CNTN5: variants seen among roughly 807,000 people sequenced by gnomAD.
CNTN5 encodes contactin-5.
CNTN5 carries 77 observed loss-of-function variants against 129.1 expected under a neutral mutation model. The observed-to-expected ratio is 0.60, with a 90% CI of 0.50 to 0.72. The LOEUF (loss-of-function observed/expected upper bound fraction) is 0.72, where lower values mean the gene tolerates loss of function less well. Among genes scored for constraint, CNTN5 ranks in the 30% least tolerant of loss-of-function variants. The pLI is 0.00. For synonymous variants in CNTN5, 509 were observed against 465.6 expected (o/e 1.09, Z -1.20); for missense variants, 1,478 against 1,328.8 (o/e 1.11, Z -1.75).
intron 3 of CNTN5, among the ~76,000 whole-genome samples, chr11:99,665,478 ATTTTTTTT>A (rs34435537): frequency 1.4e-4 from 9 of 65,922 alleles, no homozygotes; most frequent in South Asian, 6.8e-4. Context: ...TGAAACTACA[ATTTTTTTT>A]TTTTTTTTTT....
At chr11:100,103,845 T>TGATAAG (rs1392552933) in intron 13 of CNTN5, among the ~76,000 whole-genome samples, 16 of 152,150 alleles carry the variant, frequency 1.1e-4, no homozygotes, top group Non-Finnish European at 2.2e-4. Flanking sequence ...TATCAGCAAC[T>TGATAAG]TCCATAGGCT....
At chr11:100,019,662 A>T (rs1941023436) in intron 9 of CNTN5, among the ~76,000 whole-genome samples, 1 of 152,004 alleles carries the variant, frequency 6.6e-6, no homozygotes, top group Non-Finnish European at 1.5e-5. Flanking sequence ...AGGAATGCAG[A>T]TATCTTTAAA....
At chr11:100,273,859 A>G (rs1314861405) in intron 18 of CNTN5, among the ~76,000 whole-genome samples, 2 of 152,222 alleles carry the variant, frequency 1.3e-5, no homozygotes, top group Admixed American at 6.5e-5. Flanking sequence ...TCTTCACTGA[A>G]CTACTAAAAC....
intron 18 of CNTN5, among the ~76,000 whole-genome samples, chr11:100,289,603 C>T (rs7130338): frequency 0.011 from 1,726 of 152,110 alleles, 32 homozygotes; most frequent in African/African-American, 0.039. Context: ...GTTGATGGGA[C>T]GTATCTCAAA....
At chr11:99,084,145 TC>T (rs1865909809) in intron 1 of CNTN5, among the ~76,000 whole-genome samples, 1 of 152,190 alleles carries the variant, frequency 6.6e-6, no homozygotes, top group South Asian at 2.1e-4. Flanking sequence ...AAACTACTGT[TC>T]CCCATATATG....
chr11:100,311,786 G>A (rs920241908), intron 21 of CNTN5, among the ~76,000 whole-genome samples: 13 of 151,982 alleles, frequency 8.6e-5, no homozygotes, highest in Non-Finnish European at 1.9e-4. Flanking sequence ...AAGTAACCTT[G>A]ATGAGAGAGA....
intron 6 of CNTN5, among the ~76,000 whole-genome samples, chr11:99,890,233 C>T (rs1330583588): frequency 6.6e-6 from 1 of 151,962 alleles, no homozygotes; most frequent in Non-Finnish European, 1.5e-5. Context: ...CAACAGGAGC[C>T]AATTGAAAGA....
intron 8 of CNTN5, among the ~76,000 whole-genome samples, chr11:99,999,141 C>A (rs1007819732): frequency 2.4e-4 from 37 of 151,926 alleles, no homozygotes; most frequent in African/African-American, 7.2e-4. Flanking sequence ...GCAACAAAAG[C>A]CAAAATTGAC....
intron 2 of CNTN5, among the ~76,000 whole-genome samples, chr11:99,496,307 T>A (rs1446837307): frequency 2.0e-5 from 3 of 152,138 alleles, no homozygotes; most frequent in Admixed American, 6.6e-5. Context: ...CAGAGTCTCG[T>A]TCTGTCGCCA....
intron 1 of CNTN5, among the ~76,000 whole-genome samples, chr11:99,247,914 A>G (rs914561230): frequency 3.9e-5 from 6 of 152,170 alleles, no homozygotes; most frequent in Admixed American, 1.3e-4. Flanking sequence ...TAGTGCCGCA[A>G]TAAACATATG....
chr11:99,088,393 C>T (rs905678271), intron 1 of CNTN5, among the ~76,000 whole-genome samples: 3 of 152,052 alleles, frequency 2.0e-5, no homozygotes, highest in South Asian at 4.1e-4. Flanking sequence ...TTTTTTCCTT[C>T]GGCCTTGAGA....
At chr11:100,056,173 CATTT>C (rs1360111097) in intron 9 of CNTN5, among the ~76,000 whole-genome samples, 1 of 151,504 alleles carries the variant, frequency 6.6e-6, no homozygotes, top group Non-Finnish European at 1.5e-5. Flanking sequence ...CTTCCTTGAT[CATTT>C]TTAACCCATG....
intron 6 of CNTN5, among the ~76,000 whole-genome samples, chr11:99,846,353 G>A (rs1039159166): frequency 1.3e-5 from 1 of 75,490 alleles, no homozygotes; most frequent in Non-Finnish European, 2.2e-5. Context: ...GTGAGGATCT[G>A]TCTCAAAAAA....
At chr11:99,227,782 C>T (rs75852678) in intron 1 of CNTN5, among the ~76,000 whole-genome samples, 26 of 151,998 alleles carry the variant, frequency 1.7e-4, no homozygotes, top group African/African-American at 6.3e-4. Context: ...AAATATACAG[C>T]AAGAGGAACA....
intron 3 of CNTN5, among the ~76,000 whole-genome samples, chr11:99,589,408 A>G (rs1353138933): frequency 6.6e-6 from 1 of 152,242 alleles, no homozygotes; most frequent in African/African-American, 2.4e-5. Flanking sequence ...CATGTATTCA[A>G]CATTCTAAAC....
intron 3 of CNTN5, among the ~76,000 whole-genome samples, chr11:99,787,438 CTT>C (rs1264884351): frequency 1.3e-5 from 2 of 150,610 alleles, no homozygotes; most frequent in Admixed American, 6.6e-5. Context: ...TAATATTAAA[CTT>C]ATATTTTTAG....
chr11:100,089,305 A>G (rs772522995), intron 13 of CNTN5, among the ~76,000 whole-genome samples: 13 of 152,114 alleles, frequency 8.5e-5, no homozygotes. Context: ...CATATGCAAA[A>G]AAGCTCAACA....
At chr11:100,020,571 C>G (rs540338624) in intron 9 of CNTN5, among the ~76,000 whole-genome samples, 2 of 152,024 alleles carry the variant, frequency 1.3e-5, no homozygotes, top group South Asian at 4.1e-4. Flanking sequence ...TATAATGCAC[C>G]CAGTTTGTTC....
Position 99,867,870 on chromosome 11 carries a change from G to A in CNTN5, c.577+22608G>A, listed in dbSNP as rs147058941. Among the ~76,000 whole-genome samples, 5 of 152,244 alleles carry A rather than the reference G, an allele frequency of 3.3e-5. No individual in the cohort carries two copies. The South Asian group carries it at 6.2e-4, about 19-fold the overall frequency. On this transcript the variant is annotated intron_variant, in intron 6 of 24. Transcript: ENST00000524871. ...CTACTACCTGGAAAAACAGGAAATT[G>A]CCCAGGTTGTGCCAGATATGGTATA...
Sources: allele counts gnomAD v4.1 joint callset (sites outside exome capture counted in the v4.1 genomes callset), GRCh38; gene constraint gnomAD v4.1.1; transcripts MANE v1.5; gene names NCBI Gene and HGNC (gene_info 2026-07-23, HGNC 2026-07-21).